AHDC1: variants seen among roughly 807,000 people sequenced by gnomAD.
AHDC1 encodes transcription factor Gibbin.
AHDC1 carries 7 observed loss-of-function variants against 87.9 expected under a neutral mutation model. The observed-to-expected ratio is 0.08, with a 90% CI of 0.05 to 0.15. The LOEUF (loss-of-function observed/expected upper bound fraction) is 0.15. Among genes scored for constraint, AHDC1 ranks in the 10% least tolerant of loss-of-function variants. The pLI is 1.00. For missense variants in AHDC1, 1,841 were observed against 2,253.2 expected, an observed-to-expected ratio of 0.82 and a Z score of 3.70; for synonymous variants, 1,051 against 1,006.8, an observed-to-expected ratio of 1.04 and a Z score of -0.83.
Position 27,562,223 on chromosome 1 carries a change from C to T in AHDC1, c.-628-3340G>A, listed in dbSNP as rs1571270620. On this transcript the variant is annotated intron_variant, in intron 3 of 8. Coordinates refer to ENST00000673934, the MANE Select transcript of AHDC1 (RefSeq NM_001371928.1). This position sits in a 1 kb window ranked among gnomAD's most constrained non-coding sequence, Gnocchi z 4.4. ...CGCGCCCAAGCTGGCTCGGCGGGGG[C>T]GGCCAGTGCGCCAAGCCTCCCGCCT... Among the ~76,000 whole-genome samples, 1 of 151,838 alleles carries T rather than the reference C, an allele frequency of 6.6e-6. No homozygotes were observed. The highest frequency in any genetic ancestry group is 2.4e-5 in the African/African-American group (1 of 41,366).
chr1:27,536,238 G>C (rs2018634502), intron 8 of AHDC1, among the ~76,000 whole-genome samples: 1 of 152,240 alleles, frequency 6.6e-6, no homozygotes, highest in African/African-American at 2.4e-5. Context: ...CAGCCCCGGG[G>C]ACGACTTTTG....
chr1:27,547,539 C>A lies in AHDC1; in HGVS notation c.4577G>T (p.Gly1526Val), dbSNP rs772963515. The change falls in exon 8 of 9, where the codon GGC becomes GTC. Residue 1526 changes from glycine (G) to valine (V), a missense_variant. This residue lies in a region of AHDC1 where 505 missense variants were observed against 626.2 expected (regional missense o/e 0.81). Transcript: ENST00000673934. This position sits in a 1 kb window ranked among gnomAD's most constrained non-coding sequence, Gnocchi z 4.9. ...GGCTGCAGCAGGGCCACGGGGTGGG[C>A]CAGGGGGCCGGGCCATTTCCAGTGG... is the stretch of plus-strand genomic sequence containing the variant. ...KEPLEMARPP[G>V]PPRGPAAAAA... 8 of 1,611,184 alleles carry A rather than the reference C, an allele frequency of 5.0e-6. No individual in the cohort carries two copies. The South Asian group carries it at 8.8e-5, about 18-fold the overall frequency.
intron 8 of AHDC1, among the ~76,000 whole-genome samples, chr1:27,538,734 C>CAA (rs2018769470): frequency 6.6e-6 from 1 of 152,114 alleles, no homozygotes; most frequent in Non-Finnish European, 1.5e-5. Flanking sequence ...AGGCTAGACT[C>CAA]GACCTCCTGA....
chr1:27,566,816 G>C (rs537815738), intron 3 of AHDC1, among the ~76,000 whole-genome samples: 1 of 147,044 alleles, frequency 6.8e-6, no homozygotes, highest in African/African-American at 2.5e-5. Flanking sequence ...CTGCTAGGGT[G>C]GGGGGAAGAA....
At position 27,590,050 on chromosome 1, in the gene AHDC1, T is replaced by C. The variant is rs2089180628; in HGVS notation, c.-629+13347A>G. 6.6e-6 allele frequency among the ~76,000 whole-genome samples: 1 copy of C among 152,062 alleles called. No individual in the cohort carries two copies. The highest frequency in any genetic ancestry group is 2.4e-5 in the African/African-American group (1 of 41,426). ...GTCCTGGGCCCCCTGCCCCACCCACTGCTGAGGAGAGCCCTGCCCTGAGAT... is the reference window on the plus strand; with the variant it reads ...GTCCTGGGCCCCCTGCCCCACCCACCGCTGAGGAGAGCCCTGCCCTGAGAT... On this transcript the variant is annotated intron_variant, in intron 3 of 8. Transcript: ENST00000673934. This position sits in a 1 kb window ranked among gnomAD's most constrained non-coding sequence, Gnocchi z 5.4.
intron 3 of AHDC1, among the ~76,000 whole-genome samples, chr1:27,578,355 G>A (rs1012134313): frequency 2.6e-5 from 4 of 152,072 alleles, no homozygotes; most frequent in Admixed American, 1.3e-4. Flanking sequence ...TTGGGAGGCC[G>A]AGGTGGGTGG....
intron 3 of AHDC1, among the ~76,000 whole-genome samples, chr1:27,588,090 G>A (rs12133973): frequency 2.6e-4 from 40 of 152,308 alleles, no homozygotes; most frequent in Non-Finnish European, 4.3e-4. Context: ...TCTGCACGCC[G>A]TGACATCTGC....
chr1:27,594,226 C>T (rs991210349), intron 3 of AHDC1, among the ~76,000 whole-genome samples: 2 of 152,154 alleles, frequency 1.3e-5, no homozygotes, highest in Non-Finnish European at 2.9e-5. Flanking sequence ...GACCAAGCCC[C>T]GCAGCCTGGA....
intron 3 of AHDC1, among the ~76,000 whole-genome samples, chr1:27,574,603 G>T (rs59636627): frequency 0.041 from 6,186 of 152,258 alleles, 405 homozygotes; most frequent in African/African-American, 0.14. Flanking sequence ...CATGGTGAGA[G>T]TATGCTAGGT....
chr1:27,578,758 G>A (rs1368344337), intron 3 of AHDC1, among the ~76,000 whole-genome samples: 2 of 150,284 alleles, frequency 1.3e-5, no homozygotes, highest in Non-Finnish European at 3.0e-5. Context: ...GTGAAATGGC[G>A]CTATCTCGGC....
chr1:27,568,589 GGGGCGGGCCGCGCGGGCC>G (rs1334267610), intron 3 of AHDC1, among the ~76,000 whole-genome samples: 1 of 152,160 alleles, frequency 6.6e-6, no homozygotes, highest in Non-Finnish European at 1.5e-5. Context: ...TGCCCGCGAG[GGGGCGGGCCGCGCGGGCC>G]GGGCTCCCGG....
Position 27,547,324 on chromosome 1 carries a change from A to C in AHDC1, c.4792T>G (p.Phe1598Val), listed in dbSNP as rs1205323579. 6.5e-7 allele frequency: 1 copy of C among 1,546,758 alleles called. No homozygotes were observed. The highest frequency in any genetic ancestry group is 8.7e-7 in the Non-Finnish European group (1 of 1,149,690). Reference protein sequence around the residue: ...PMAEPHPEDTFTVTSL With the variant: ...PMAEPHPEDTVTVTSL ...TGGCACTACAGGGATGTGACGGTGA[A>C]TGTGTCCTCGGGGTGAGGTTCCGCC... The change falls in exon 8 of 9, where the codon TTC becomes GTC. Residue 1598 changes from phenylalanine to valine, a missense_variant. Physicochemically the swap from Phe to Val is conservative, Grantham distance 50 (BLOSUM62 -1). Transcript: ENST00000673934. The surrounding 1 kb of genome is among the most constrained non-coding windows in gnomAD (Gnocchi z 4.9).
At chr1:27,568,997 G>C (rs2020450518) in intron 3 of AHDC1, among the ~76,000 whole-genome samples, 1 of 152,042 alleles carries the variant, frequency 6.6e-6, no homozygotes. Context: ...GCTGGCGAAA[G>C]CCCCAGAAAT....
At chr1:27,588,293 G>A (rs1259999089) in intron 3 of AHDC1, among the ~76,000 whole-genome samples, 1 of 151,518 alleles carries the variant, frequency 6.6e-6, no homozygotes, top group Non-Finnish European at 1.5e-5. Flanking sequence ...AATGGAGTTG[G>A]AAGAGACAGG....
intron 3 of AHDC1, among the ~76,000 whole-genome samples, chr1:27,581,336 AT>A (rs200218295): frequency 0.015 from 2,310 of 152,166 alleles, 57 homozygotes; most frequent in African/African-American, 0.052. Context: ...CTTTAAAAAA[AT>A]ATATTTTTAA....
In AHDC1 at chr1:27,590,961, G is replaced by A. The variant is rs1414400551; in HGVS notation, c.-629+12436C>T. ...GAGACTAAGGTTGAGGAGGAGAAAC[G>A]AGATGCTCCATGATTTATGAGCCTA... On this transcript the variant is annotated intron_variant, in intron 3 of 8. Coordinates refer to ENST00000673934, the MANE Select transcript of AHDC1 (RefSeq NM_001371928.1). This position sits in a 1 kb window ranked among gnomAD's most constrained non-coding sequence, Gnocchi z 5.4. 6.6e-6 allele frequency among the ~76,000 whole-genome samples: 1 copy of A among 152,138 alleles called. No individual in the cohort carries two copies. The highest frequency in any genetic ancestry group is 2.4e-5 in the African/African-American group (1 of 41,426).
At chr1:27,540,786 C>A (rs965804920) in intron 8 of AHDC1, among the ~76,000 whole-genome samples, 3 of 151,308 alleles carry the variant, frequency 2.0e-5, no homozygotes, top group African/African-American at 7.3e-5. Context: ...AAGATCGGGG[C>A]TGAAAAAAAG....
rs2019589599 is a variant in AHDC1 at position 27,551,887 on chromosome 1, G to A, written c.229C>T (p.Leu77Phe). ...RDPSTRRPPVLAKGDDPLPPR... is the reference protein window; with the variant it reads ...RDPSTRRPPVFAKGDDPLPPR... The stretch of plus-strand genomic sequence containing the variant: ...GGCAGCGGGTCGTCCCCCTTGGCAA[G>A]GACTGGTGGGCGCCGGGTGCTGGGG... Residue 77 changes from leucine to phenylalanine, a missense_variant, in exon 8 of 9, where the codon CTT becomes TTT. Physicochemically the swap from Leu to Phe is conservative, Grantham distance 22. Coordinates refer to ENST00000673934, the MANE Select transcript of AHDC1 (RefSeq NM_001371928.1). 2 of 1,603,250 alleles carry A rather than the reference G, an allele frequency of 1.2e-6. No individual in the cohort carries two copies. Among genetic ancestry groups the A allele is most frequent in the East Asian group, 2.2e-5 (1 of 44,652 alleles).
chr1:27,587,161 C>T lies in AHDC1; in HGVS notation c.-629+16236G>A, dbSNP rs1014414608. Reference sequence around the variant, plus strand: ...GAATTCCCTCCTACACAAGACTAATCGGCTCATTGCACAGATGGGGAAACT... The same window carrying T: ...GAATTCCCTCCTACACAAGACTAATTGGCTCATTGCACAGATGGGGAAACT... On this transcript the variant is annotated intron_variant, in intron 3 of 8. Transcript: ENST00000673934. Among the ~76,000 whole-genome samples, 133 of 152,342 alleles carry T rather than the reference C, an allele frequency of 8.7e-4. 1 individual carries two copies. The highest frequency in any genetic ancestry group is 2.8e-3 in the African/African-American group (117 of 41,570).
Sources: gnomAD v4.1 joint callset for allele counts (sites outside exome capture counted in the v4.1 genomes callset) on GRCh38, gnomAD v4.1.1 for gene constraint, gnomAD v4.1.1 regional missense constraint, Gnocchi (gnomAD v3.1) non-coding constraint, MANE v1.5 for transcripts, NCBI Gene and HGNC (gene_info 2026-07-23, HGNC 2026-07-21) for gene names.